The following XRCC5 variants were observed in gnomAD, a reference collection of about 807,000 sequenced individuals.
The protein encoded by XRCC5 is DNA repair protein Ku80.
XRCC5 carries 12 observed loss-of-function variants against 95.7 expected under a neutral mutation model. That is an observed-to-expected ratio of 0.13 (90% CI 0.08 to 0.20). The LOEUF (loss-of-function observed/expected upper bound fraction) is 0.20. XRCC5 is among the 10% of genes least tolerant of loss of function. The probability of loss-of-function intolerance (pLI) is 1.00; values close to 1 mark genes in which losing one functional copy is unlikely to be tolerated. For synonymous variants in XRCC5, 281 were observed against 290.3 expected (o/e 0.97, Z 0.33); for missense variants, 595 against 873.9 (o/e 0.68, Z 4.02).
intron 16 of XRCC5, chr2:216,175,354 A>G: frequency 4.2e-6 from 2 of 475,678 alleles, no homozygotes; most frequent in East Asian, 1.1e-4. Flanking sequence ...CACCACTTCC[A>G]GAGTTTCCTC....
At chr2:216,153,825 A>G (rs1688793739) in intron 14 of XRCC5, among the ~76,000 whole-genome samples, 1 of 152,226 alleles carries the variant, frequency 6.6e-6, no homozygotes, top group South Asian at 2.1e-4. Context: ...CTCAAAAACT[A>G]CTAAATACCT....
chr2:216,126,056 A>C, intron 7 of XRCC5, 25 bp downstream of exon 7: 4 of 1,557,986 alleles, frequency 2.6e-6, no homozygotes, highest in Non-Finnish European at 3.5e-6. Flanking sequence ...CACATTTTTA[A>C]CAGAAATGTT....
intron 3 of XRCC5, 144 bp downstream of exon 3, chr2:216,116,986 A>G: frequency 1.2e-6 from 1 of 852,182 alleles, no homozygotes; most frequent in Non-Finnish European, 1.8e-6. Flanking sequence ...ATGTGTTAAT[A>G]GGGTTTAATG....
chr2:216,187,819 ACACTCT>A (rs1289777566), intron 16 of XRCC5, among the ~76,000 whole-genome samples: 103 of 50,988 alleles, frequency 2.0e-3, no homozygotes, highest in East Asian at 0.01. Context: ...ACACACACAC[ACACTCT>A]CTCTCTCTCT....
chr2:216,143,640 T>TA (rs1400426406), intron 13 of XRCC5, among the ~76,000 whole-genome samples: 7 of 151,634 alleles, frequency 4.6e-5, no homozygotes, highest in Non-Finnish European at 1.0e-4. Context: ...TACATAAACT[T>TA]AAAAAAAACT....
At chr2:216,199,808 ATCTTT>A (rs1172547666) in intron 19 of XRCC5, among the ~76,000 whole-genome samples, 2 of 121,900 alleles carry the variant, frequency 1.6e-5, no homozygotes, top group African/African-American at 3.2e-5. Context: ...TGGCATTGGG[ATCTTT>A]TTTTTTTTTT....
chr2:216,182,516 G>C (rs1460958209), intron 16 of XRCC5, among the ~76,000 whole-genome samples: 1 of 152,038 alleles, frequency 6.6e-6, no homozygotes, highest in East Asian at 1.9e-4. Context: ...AGTAAGCATT[G>C]GCAAGTTTTA....
intron 19 of XRCC5, among the ~76,000 whole-genome samples, chr2:216,197,285 G>C (rs570367418): frequency 1.3e-5 from 2 of 151,976 alleles, no homozygotes; most frequent in Admixed American, 6.5e-5. Flanking sequence ...GTATAAGATG[G>C]TGTCCTTAGA....
At chr2:216,115,997 A>C (rs1696688761) in intron 2 of XRCC5, among the ~76,000 whole-genome samples, 1 of 152,222 alleles carries the variant, frequency 6.6e-6, no homozygotes, top group African/African-American at 2.4e-5. Context: ...TATATGCTAC[A>C]TGTAATTCTG....
chr2:216,117,913 G>T, intron 4 of XRCC5, 119 bp downstream of exon 4: 2 of 1,083,382 alleles, frequency 1.8e-6, no homozygotes, highest in South Asian at 1.4e-5. Flanking sequence ...TGTGACAAGA[G>T]AAACATTTTA....
chr2:216,175,491 A>G, intron 16 of XRCC5: 1 of 485,966 alleles, frequency 2.1e-6, no homozygotes, highest in Non-Finnish European at 4.0e-6. Flanking sequence ...TTTCTAAACA[A>G]CAGTTTTATC....
intron 16 of XRCC5, among the ~76,000 whole-genome samples, chr2:216,182,419 T>C (rs1689406793): frequency 6.6e-6 from 1 of 152,200 alleles, no homozygotes; most frequent in Non-Finnish European, 1.5e-5. Flanking sequence ...CAATCACTAT[T>C]ATCTTACATT....
intron 16 of XRCC5, among the ~76,000 whole-genome samples, chr2:216,167,365 A>T (rs575923385): frequency 4.7e-4 from 72 of 152,314 alleles, no homozygotes; most frequent in Middle Eastern, 6.8e-3. Context: ...AGCACTAGAT[A>T]GAATATGGTA....
intron 13 of XRCC5, among the ~76,000 whole-genome samples, chr2:216,143,966 G>A (rs1157627813): frequency 6.6e-6 from 1 of 151,706 alleles, no homozygotes; most frequent in Non-Finnish European, 1.5e-5. Flanking sequence ...CGCCCGCCTC[G>A]GCCTCCCCAA....
chr2:216,156,588 G>C, intron 14 of XRCC5: 1 of 582,470 alleles, frequency 1.7e-6, no homozygotes, highest in South Asian at 1.4e-5. Context: ...TCACGAACTT[G>C]TGCCAGTAGA....
intron 14 of XRCC5, among the ~76,000 whole-genome samples, chr2:216,157,655 T>C (rs1414680839): frequency 2.0e-5 from 3 of 152,226 alleles, no homozygotes; most frequent in South Asian, 2.1e-4. Context: ...TTTTTGTATA[T>C]TGAGAGTTTA....
At chr2:216,197,316 A>T (rs1181423130) in intron 19 of XRCC5, among the ~76,000 whole-genome samples, 1 of 152,056 alleles carries the variant, frequency 6.6e-6, no homozygotes, top group Non-Finnish European at 1.5e-5. Context: ...ATCAGAACTG[A>T]TGTTAGTTGT....
chr2:216,117,325 A>C (rs1696715581), intron 3 of XRCC5: 1 of 184,766 alleles, frequency 5.4e-6, no homozygotes, highest in Admixed American at 5.5e-5. Flanking sequence ...AGGGATCATC[A>C]CTCTTGTTCT....
chr2:216,153,722 G>A (rs1421352174), intron 14 of XRCC5, among the ~76,000 whole-genome samples: 2 of 152,238 alleles, frequency 1.3e-5, no homozygotes, highest in Non-Finnish European at 2.9e-5. Context: ...GGATTTAAGT[G>A]TAGGCAGTCT....
Sources: allele counts gnomAD v4.1 joint callset (sites outside exome capture counted in the v4.1 genomes callset), GRCh38; gene constraint gnomAD v4.1.1; transcripts MANE v1.5; gene names NCBI Gene and HGNC (gene_info 2026-07-23, HGNC 2026-07-21).